NVL: variants seen among roughly 807,000 people sequenced by gnomAD.
The protein encoded by NVL is nuclear VCP like.
In NVL, 84 loss-of-function variants were observed where a neutral mutation model predicts 110.2. The ratio of observed to expected loss-of-function variants is 0.76; its 90% confidence interval spans 0.64 to 0.91. The LOEUF (loss-of-function observed/expected upper bound fraction) is 0.91, where lower values mean the gene tolerates loss of function less well. Among genes scored for constraint, NVL ranks in the 40% least tolerant of loss-of-function variants. The pLI is 0.00. For missense variants in NVL, 882 were observed against 1,035.9 expected (o/e 0.85, Z 2.04); for synonymous variants, 354 against 361.1 (o/e 0.98, Z 0.22).
At chr1:224,294,449 T>G in intron 11 of NVL, 38 bp from the exon 12 acceptor site, 4 of 1,604,588 alleles carry the variant, frequency 2.5e-6, no homozygotes, top group Non-Finnish European at 3.4e-6. Context: ...AACAAAGCAC[T>G]TGACACTGAC....
At chr1:224,236,260 T>C (rs1332416999) in intron 20 of NVL, among the ~76,000 whole-genome samples, 3 of 152,140 alleles carry the variant, frequency 2.0e-5, no homozygotes, top group African/African-American at 7.2e-5. Context: ...GCAGTGCTGG[T>C]TAGGGTAGGT....
At position 224,300,631 on chromosome 1, in the gene NVL, A is replaced by G. The variant is rs761455707; in HGVS notation, c.993T>C (p.Ala331=). 1 of 1,613,802 alleles carries G rather than the reference A, an allele frequency of 6.2e-7. No individual in the cohort carries two copies. The highest frequency in any genetic ancestry group is 2.2e-5 in the East Asian group (1 of 44,884). Residue 331 remains alanine (A), a synonymous_variant, in exon 10 of 23, where the codon GCT becomes GCC. Coordinates refer to ENST00000281701, the MANE Select transcript of NVL (RefSeq NM_002533.4). ...ELDLPILKVA[A]PEIVSGVSGE... Reference sequence around the variant, plus strand: ...CGGATACTCCAGACACAATCTCTGGAGCAGCCACTTTCAAAATTGGCAGGT... The same window carrying G: ...CGGATACTCCAGACACAATCTCTGGGGCAGCCACTTTCAAAATTGGCAGGT...
At chr1:224,313,268 T>G (rs907066166) in intron 4 of NVL, 2 of 149,778 alleles carry the variant, frequency 1.3e-5, no homozygotes, top group African/African-American at 5.0e-5. Context: ...TTCAACTATT[T>G]GAAAAAAAAA....
At chr1:224,296,372 G>A (rs976593291) in intron 11 of NVL, 129 bp downstream of exon 11, 1 of 528,980 alleles carries the variant, frequency 1.9e-6, no homozygotes, top group Non-Finnish European at 3.2e-6. Context: ...GAGCCACTGT[G>A]CCCAGTATGA....
At chr1:224,318,209 C>T (rs1361871443) in intron 2 of NVL, among the ~76,000 whole-genome samples, 3 of 152,122 alleles carry the variant, frequency 2.0e-5, no homozygotes, top group African/African-American at 7.2e-5. Flanking sequence ...AATCAACACT[C>T]GTATATTCTT....
At chr1:224,290,801 C>CAAA (rs773190032) in intron 12 of NVL, among the ~76,000 whole-genome samples, 1 of 78,682 alleles carries the variant, frequency 1.3e-5, no homozygotes, top group Non-Finnish European at 2.6e-5. Context: ...GACTCTGTCT[C>CAAA]AAAAAAAAAA....
intron 19 of NVL, among the ~76,000 whole-genome samples, chr1:224,247,407 C>T (rs888523849): frequency 6.6e-6 from 1 of 151,906 alleles, no homozygotes; most frequent in Non-Finnish European, 1.5e-5. Context: ...CAGTGGCTCA[C>T]GTTTGTAATC....
intron 16 of NVL, among the ~76,000 whole-genome samples, chr1:224,276,316 A>G (rs949461384): frequency 2.4e-4 from 37 of 152,046 alleles, no homozygotes; most frequent in African/African-American, 8.7e-4. Context: ...GCTCACTGCA[A>G]CCTCCACGCC....
At chr1:224,240,376 G>A (rs1205542815) in intron 19 of NVL, among the ~76,000 whole-genome samples, 1 of 151,706 alleles carries the variant, frequency 6.6e-6, no homozygotes, top group Non-Finnish European at 1.5e-5. Context: ...GCCAACGCTG[G>A]GTAGTTTTTG....
chr1:224,292,188 G>A (rs754184941), intron 12 of NVL, among the ~76,000 whole-genome samples: 4 of 152,160 alleles, frequency 2.6e-5, no homozygotes, highest in Non-Finnish European at 4.4e-5. Flanking sequence ...AGGATCACTT[G>A]AGGGCAGGAG....
At chr1:224,272,965 C>T (rs1283869891) in intron 17 of NVL, among the ~76,000 whole-genome samples, 4 of 141,534 alleles carry the variant, frequency 2.8e-5, no homozygotes, top group Non-Finnish European at 4.6e-5. Context: ...ACCCGGGAGG[C>T]GGAGCTTGCA....
intron 22 of NVL, among the ~76,000 whole-genome samples, chr1:224,229,729 T>A (rs1475650189): frequency 1.3e-5 from 2 of 152,190 alleles, no homozygotes; most frequent in Non-Finnish European, 2.9e-5. Flanking sequence ...ATTACAGAAG[T>A]GAGCCACCGC....
intron 4 of NVL, chr1:224,312,085 T>G (rs916901156): frequency 2.3e-6 from 1 of 436,162 alleles, no homozygotes; most frequent in African/African-American, 2.0e-5. Context: ...AAGTAATGTC[T>G]GTCTCCCAGG....
intron 12 of NVL, among the ~76,000 whole-genome samples, chr1:224,290,102 A>G (rs1489121100): frequency 2.0e-5 from 3 of 152,236 alleles, no homozygotes; most frequent in East Asian, 3.8e-4. Context: ...AAGCCCCCAC[A>G]TACACACAAA....
chr1:224,328,123 C>G (rs551211936), intron 1 of NVL, among the ~76,000 whole-genome samples: 1 of 151,988 alleles, frequency 6.6e-6, no homozygotes, highest in African/African-American at 2.4e-5. Flanking sequence ...GCAGAACATG[C>G]GGGTTTGTTA....
rs541858072 is a variant in NVL at position 224,244,717 on chromosome 1, T to A, written c.2289+5495A>T. ...CATTTTTTTTTTTTGAGATGGAGTC[T>A]CACTCTGTTGCCCAGGCTGGAGTGC... On this transcript the variant is annotated intron_variant, in intron 19 of 22. Coordinates refer to ENST00000281701, the MANE Select transcript of NVL (RefSeq NM_002533.4). 2.6e-4 allele frequency among the ~76,000 whole-genome samples: 39 copies of A among 150,456 alleles called. No individual in the cohort carries two copies. The East Asian group carries it at 4.3e-3, about 17-fold the overall frequency.
At chr1:224,314,542 A>G (rs957230543) in intron 4 of NVL, among the ~76,000 whole-genome samples, 19 of 152,348 alleles carry the variant, frequency 1.2e-4, no homozygotes, top group African/African-American at 3.4e-4. Flanking sequence ...GAAGAGCTGT[A>G]TATCTAGCAA....
intron 15 of NVL, among the ~76,000 whole-genome samples, chr1:224,283,978 A>G (rs1384018318): frequency 6.6e-6 from 1 of 152,244 alleles, no homozygotes; most frequent in African/African-American, 2.4e-5. Context: ...TTGCTGTTGT[A>G]CTTATTAAAA....
chr1:224,301,328 C>T (rs931402708), intron 9 of NVL, among the ~76,000 whole-genome samples: 13 of 152,066 alleles, frequency 8.5e-5, no homozygotes, highest in Admixed American at 3.3e-4. Flanking sequence ...TGGTCCCAAA[C>T]TCCTGGCCTC....
Sources: allele counts gnomAD v4.1 joint callset (sites outside exome capture counted in the v4.1 genomes callset), GRCh38; gene constraint gnomAD v4.1.1; transcripts MANE v1.5; gene names NCBI Gene and HGNC (gene_info 2026-07-23, HGNC 2026-07-21).